PCDHA5: variants seen among roughly 807,000 people sequenced by gnomAD.
PCDHA5 encodes protocadherin alpha-5.
PCDHA5 carries 43 observed loss-of-function variants against 61.6 expected under a neutral mutation model. The ratio of observed to expected loss-of-function variants is 0.70; its 90% confidence interval spans 0.55 to 0.90. PCDHA5 has a LOEUF of 0.90. Among genes scored for constraint, PCDHA5 ranks in the 40% least tolerant of loss-of-function variants. The probability of loss-of-function intolerance (pLI) is 0.00; values close to 1 mark genes in which losing one functional copy is unlikely to be tolerated. For synonymous variants in PCDHA5, 627 were observed against 543.9 expected (o/e 1.15, Z -2.13); for missense variants, 1,298 against 1,222.7 (o/e 1.06, Z -0.92).
Position 140,823,532 on chromosome 5 carries a change from C to A in PCDHA5, c.1757C>A (p.Ala586Glu), listed in dbSNP as rs138704270. 3.1e-6 allele frequency: 5 copies of A among 1,613,746 alleles called. No individual in the cohort carries two copies. The highest frequency in any genetic ancestry group is 1.7e-5 in the Admixed American group (1 of 60,008). The change falls in exon 1 of 4, where the codon GCG becomes GAG. Residue 586 changes from alanine to glutamate, a missense_variant. Transcript: ENST00000529859. The stretch of plus-strand genomic sequence containing the variant: ...GAGCTGGTGCCGAGGTCAGTGGGTG[C>A]GGGCCACGTGGTGGCGAAGGTGCGC... ...VSELVPRSVG[A>E]GHVVAKVRAV... is the part of the protein sequence containing the mutation.
chr5:140,945,526 A>T (rs1466059696), intron 1 of PCDHA5, among the ~76,000 whole-genome samples: 2 of 152,130 alleles, frequency 1.3e-5, no homozygotes, highest in African/African-American at 4.8e-5. Context: ...AATAAATAAA[A>T]CAAAACATAC....
At chr5:140,904,015 A>G (rs1374371306) in intron 1 of PCDHA5, among the ~76,000 whole-genome samples, 1 of 152,234 alleles carries the variant, frequency 6.6e-6, no homozygotes, top group Non-Finnish European at 1.5e-5. Context: ...ACTTTAAAAA[A>G]TAATGGTATA....
At chr5:140,847,826 A>C (rs914616937) in intron 1 of PCDHA5, 1 of 149,784 alleles carries the variant, frequency 6.7e-6, no homozygotes, top group Non-Finnish European at 1.5e-5. Context: ...TACTCAAGAA[A>C]ACTACCTCAG....
At position 140,856,324 on chromosome 5, in the gene PCDHA5, G is replaced by A. The variant is rs1221183425; in HGVS notation, c.2352+32197G>A. ...TTGTGAATTCTCGGATTGACCGCGA[G>A]GAGCTGTGCGGGCGGAGCGTGGAGT... On this transcript the variant is annotated intron_variant, in intron 1 of 3. Coordinates refer to ENST00000529859, the MANE Select transcript of PCDHA5 (RefSeq NM_018908.3). The A allele has an allele frequency of 6.3e-6, 10 of 1,598,594 alleles. 1 individual carries two copies. Among genetic ancestry groups the A allele is most frequent in the Non-Finnish European group, 8.6e-6 (10 of 1,168,074 alleles).
intron 1 of PCDHA5, chr5:140,966,633 C>G (rs2096029445): frequency 8.9e-6 from 9 of 1,005,802 alleles, no homozygotes; most frequent in Non-Finnish European, 5.4e-6. Flanking sequence ...CGGCCCCAGG[C>G]GCTTTCTAGA....
chr5:140,968,330 G>A (rs1314697989), intron 1 of PCDHA5: 2 of 1,613,974 alleles, frequency 1.2e-6, no homozygotes, highest in East Asian at 2.2e-5. Context: ...CACCTCCTAT[G>A]TCTCCATTAA....
chr5:140,900,257 T>G (rs1184928608), intron 1 of PCDHA5, among the ~76,000 whole-genome samples: 3 of 152,108 alleles, frequency 2.0e-5, no homozygotes, highest in Admixed American at 6.6e-5. Context: ...TGAATAGTAC[T>G]CCATTGTGTA....
chr5:140,871,343 G>A (rs782701070), intron 1 of PCDHA5: 3 of 1,614,194 alleles, frequency 1.9e-6, no homozygotes, highest in East Asian at 2.2e-5. Context: ...GTGGGGAGCT[G>A]GTCATACTCG....
In PCDHA5 at chr5:140,823,015, C is replaced by T. The variant is rs2150121299; in HGVS notation, c.1240C>T (p.Arg414Cys). The change falls in exon 1 of 4, where the codon CGC becomes TGC. Residue 414 changes from arginine to cysteine, a missense_variant. Coordinates refer to ENST00000529859, the MANE Select transcript of PCDHA5 (RefSeq NM_018908.3). ...YSLVLDSALD[R>C]ESVSVYELVV... is the part of the protein sequence containing the mutation. ...GTTGGTGCTGGACAGCGCCCTGGAC[C>T]GCGAGAGCGTGTCGGTCTATGAGCT... is the stretch of plus-strand genomic sequence containing the variant. The T allele has an allele frequency of 3.7e-6, 6 of 1,614,106 alleles. No homozygotes were observed. The highest frequency in any genetic ancestry group is 2.2e-5 in the East Asian group (1 of 44,898).
Position 140,974,355 on chromosome 5 carries a change from C to T in PCDHA5, c.2353-4594C>T, listed in dbSNP as rs113314336. Among the ~76,000 whole-genome samples the T allele has an allele frequency of 6.8e-3, 1,038 of 152,272 alleles. 15 individuals are homozygous for T. The highest frequency in any genetic ancestry group is 0.024 in the African/African-American group (1,003 of 41,550). ...AGCAGGCTATGCATCCAGAACTAAA[C>T]AGACCTAGCACTTTCTGTTGTACTG... is the stretch of plus-strand genomic sequence containing the variant. On this transcript the variant is annotated intron_variant, in intron 1 of 3. Transcript: ENST00000529859.
intron 1 of PCDHA5, chr5:140,968,382 A>G: frequency 6.2e-7 from 1 of 1,614,050 alleles, no homozygotes; most frequent in Non-Finnish European, 8.5e-7. Flanking sequence ...TCCTTTGACT[A>G]TGAGAAGTTT....
Position 140,967,279 on chromosome 5 carries a change from T to G in PCDHA5, c.2353-11670T>G, listed in dbSNP as rs184476796. The G allele has an allele frequency of 7.8e-5, 126 of 1,613,002 alleles. 1 individual carries two copies. The East Asian group carries it at 2.6e-3, about 34-fold the overall frequency. On this transcript the variant is annotated intron_variant, in intron 1 of 3. Coordinates refer to ENST00000529859, the MANE Select transcript of PCDHA5 (RefSeq NM_018908.3). ...CTGGAGCGCGCTTTCACATAGAGAGTGCGCAGGACCCCGACGTGGGCGCCA... is the reference window on the plus strand; with the variant it reads ...CTGGAGCGCGCTTTCACATAGAGAGGGCGCAGGACCCCGACGTGGGCGCCA...
chr5:140,877,634 T>C, intron 1 of PCDHA5: 1 of 1,613,738 alleles, frequency 6.2e-7, no homozygotes, highest in Non-Finnish European at 8.5e-7. Context: ...TACACTGCGC[T>C]GCGTTGCTCA....
intron 1 of PCDHA5, chr5:140,828,503 C>T (rs2150156101): frequency 3.7e-6 from 6 of 1,614,238 alleles, no homozygotes; most frequent in Non-Finnish European, 5.1e-6. Context: ...GGTAGAGGAA[C>T]AAAGAGTGCT....
chr5:140,883,870 G>T, intron 1 of PCDHA5: 1 of 1,613,302 alleles, frequency 6.2e-7, no homozygotes, highest in South Asian at 1.1e-5. Context: ...TGCAGTTCCA[G>T]GTGAGCGCGC....
chr5:140,836,076 C>G (rs1387042597), intron 1 of PCDHA5: 1 of 1,613,592 alleles, frequency 6.2e-7, no homozygotes, highest in Admixed American at 1.7e-5. Context: ...CGCGCCGGCA[C>G]TGCTGGCGCC....
intron 1 of PCDHA5, among the ~76,000 whole-genome samples, chr5:140,885,964 G>A (rs1326363408): frequency 6.6e-6 from 1 of 151,886 alleles, no homozygotes; most frequent in Non-Finnish European, 1.5e-5. Flanking sequence ...TTTTTATTTT[G>A]AGATAATTAT....
Position 140,822,623 on chromosome 5 carries a change from T to C in PCDHA5, c.848T>C (p.Leu283Pro). ...NKEIVYFFSN[L>P]VLDDVKSKFI... The stretch of plus-strand genomic sequence containing the variant: ...GAAATAGTGTATTTCTTTAGTAATC[T>C]TGTTCTTGACGATGTAAAGTCCAAA... The change falls in exon 1 of 4, where the codon CTT becomes CCT. Residue 283 changes from leucine to proline, a missense_variant. Physicochemically the swap from Leu to Pro is moderately conservative, Grantham distance 98 (BLOSUM62 -3). Coordinates refer to ENST00000529859, the MANE Select transcript of PCDHA5 (RefSeq NM_018908.3). 6.2e-7 allele frequency: 1 copy of C among 1,611,512 alleles called. No individual in the cohort carries two copies. The highest frequency in any genetic ancestry group is 8.5e-7 in the Non-Finnish European group (1 of 1,178,136).
intron 1 of PCDHA5, chr5:140,842,710 C>A: frequency 1.3e-6 from 2 of 1,595,124 alleles, no homozygotes; most frequent in Non-Finnish European, 1.7e-6. Context: ...ACACGGTGTT[C>A]GTGAAGGAGA....
Sources: gnomAD v4.1 joint callset for allele counts (sites outside exome capture counted in the v4.1 genomes callset) on GRCh38, gnomAD v4.1.1 for gene constraint, MANE v1.5 for transcripts, NCBI Gene and HGNC (gene_info 2026-07-23, HGNC 2026-07-21) for gene names.